Variants in TXNL4A observed in about 807,000 individuals in gnomAD.
TXNL4A encodes thioredoxin-like protein 4A.
TXNL4A carries 17 observed loss-of-function variants against 14.6 expected under a neutral mutation model. The ratio of observed to expected loss-of-function variants is 1.16; its 90% CI spans 0.80 to 1.74. The LOEUF is 1.74. Among genes scored for constraint, TXNL4A ranks in the 40% most tolerant of loss-of-function variants. The probability of loss-of-function intolerance (pLI) is 0.00; values close to 1 mark genes in which losing one functional copy is unlikely to be tolerated. For missense variants in TXNL4A, 74 were observed against 195.2 expected (o/e 0.38, Z 3.70); for synonymous variants, 83 against 70.6 (o/e 1.18, Z -0.88).
At chr18:80,001,278 A>G (rs1261663958) in intron 1 of TXNL4A, among the ~76,000 whole-genome samples, 3 of 152,166 alleles carry the variant, frequency 2.0e-5, no homozygotes, top group Non-Finnish European at 4.4e-5. Flanking sequence ...TAGATTTCAG[A>G]GGATATATGG....
At chr18:80,027,578 G>T (rs888818177) in intron 1 of TXNL4A, among the ~76,000 whole-genome samples, 3 of 152,150 alleles carry the variant, frequency 2.0e-5, no homozygotes, top group Non-Finnish European at 1.5e-5. Context: ...TGCCTCAAGG[G>T]TATACACAAA....
chr18:79,996,473 C>A (rs1216931314), intron 1 of TXNL4A, among the ~76,000 whole-genome samples: 1 of 152,208 alleles, frequency 6.6e-6, no homozygotes, highest in East Asian at 1.9e-4. Flanking sequence ...GATGCCCCGC[C>A]ATGGGCTCTA....
At chr18:79,987,894 T>G (rs1334543301) in intron 1 of TXNL4A, among the ~76,000 whole-genome samples, 1 of 152,244 alleles carries the variant, frequency 6.6e-6, no homozygotes, top group Admixed American at 6.5e-5. Context: ...CCTTTTAAAT[T>G]AAGGATCCGC....
At chr18:79,978,366 C>A (rs1374456166) in intron 1 of TXNL4A, among the ~76,000 whole-genome samples, 1 of 152,128 alleles carries the variant, frequency 6.6e-6, no homozygotes, top group East Asian at 1.9e-4. Flanking sequence ...ATAGTACCTC[C>A]AATAATACTG....
At chr18:80,015,264 G>A (rs902513608) in intron 1 of TXNL4A, among the ~76,000 whole-genome samples, 4 of 151,804 alleles carry the variant, frequency 2.6e-5, no homozygotes, top group Non-Finnish European at 5.9e-5. Flanking sequence ...AAAAAAAAAT[G>A]GACTTTTCTT....
intron 1 of TXNL4A, among the ~76,000 whole-genome samples, chr18:80,020,634 C>T (rs145141726): frequency 7.2e-4 from 109 of 152,258 alleles, no homozygotes; most frequent in African/African-American, 2.4e-3. Context: ...GAAGACTGAG[C>T]GTAGGTGCTT....
At chr18:80,028,534 G>C (rs2051899986) in intron 1 of TXNL4A, among the ~76,000 whole-genome samples, 2 of 152,178 alleles carry the variant, frequency 1.3e-5, no homozygotes, top group Admixed American at 6.5e-5. Context: ...AGACCTACAA[G>C]AGATGCCACT....
In TXNL4A at chr18:80,033,886, C is replaced by G. The variant is rs2051946458; in HGVS notation, c.-96G>C. On this transcript the variant is annotated 5_prime_UTR_variant, in exon 1 of 3. Transcript: ENST00000585474. Reference sequence around the variant, plus strand: ...CTTCACCCCGCTTACACGCCGCTCGCTTCGCTCTGGTAGTCGCCCACCTCG... The same window carrying G: ...CTTCACCCCGCTTACACGCCGCTCGGTTCGCTCTGGTAGTCGCCCACCTCG... The G allele has an allele frequency of 2.7e-5, 4 of 150,334 alleles. 1 individual carries two copies. The highest frequency in any genetic ancestry group is 2.7e-4 in the Admixed American group (4 of 15,070). 9.3% of individuals were successfully genotyped at this position (150,334 alleles called of 1,614,324 possible). A position where few individuals can be genotyped will look rare whatever the true frequency, so the allele number is the denominator to read the frequency against.
chr18:80,016,765 G>T (rs1420163518), intron 1 of TXNL4A, among the ~76,000 whole-genome samples: 2 of 150,264 alleles, frequency 1.3e-5, no homozygotes, highest in African/African-American at 4.9e-5. Context: ...GGTTACTGTA[G>T]CCTTGTAGTA....
At chr18:80,028,652 C>T (rs968501486) in intron 1 of TXNL4A, among the ~76,000 whole-genome samples, 4 of 152,100 alleles carry the variant, frequency 2.6e-5, no homozygotes, top group East Asian at 1.9e-4. Flanking sequence ...TAATTAAAGC[C>T]GGTCCTCTTC....
upstream of TXNL4A, among the ~76,000 whole-genome samples, chr18:79,988,828 C>CCCG (rs1182712052): frequency 6.6e-6 from 1 of 152,186 alleles, no homozygotes; most frequent in Non-Finnish European, 1.5e-5. Context: ...CCCGAGGCCG[C>CCCG]CCGCCGCCGC....
chr18:79,981,952 C>T (rs869238837), intron 1 of TXNL4A, among the ~76,000 whole-genome samples: 4 of 151,952 alleles, frequency 2.6e-5, no homozygotes, highest in African/African-American at 7.2e-5. Flanking sequence ...TAGATGTCGC[C>T]GATGTTTTAG....
chr18:80,022,091 A>AT (rs1304784143), intron 1 of TXNL4A, among the ~76,000 whole-genome samples: 7 of 151,982 alleles, frequency 4.6e-5, no homozygotes, highest in African/African-American at 1.7e-4. Flanking sequence ...CTATATATTT[A>AT]TTAGGGTTAT....
At chr18:80,031,662 C>G (rs565555216) in intron 1 of TXNL4A, among the ~76,000 whole-genome samples, 1 of 152,190 alleles carries the variant, frequency 6.6e-6, no homozygotes, top group Non-Finnish European at 1.5e-5. Flanking sequence ...CTTTGCCAAA[C>G]GACGGGGTCA....
intron 1 of TXNL4A, chr18:79,986,721 C>G: frequency 2.0e-6 from 2 of 985,488 alleles, no homozygotes; most frequent in Non-Finnish European, 2.4e-6. Context: ...GCAGCAGGAT[C>G]TGAACACCAC....
At chr18:79,997,612 A>C (rs868639342) in intron 1 of TXNL4A, among the ~76,000 whole-genome samples, 2 of 152,174 alleles carry the variant, frequency 1.3e-5, no homozygotes, top group South Asian at 2.1e-4. Flanking sequence ...ACTTGGAAAG[A>C]AGGGCAATAT....
At chr18:79,984,046 C>T (rs577555488) in intron 1 of TXNL4A, among the ~76,000 whole-genome samples, 32 of 152,214 alleles carry the variant, frequency 2.1e-4, no homozygotes, top group South Asian at 2.1e-3. Flanking sequence ...CCCTCAACCA[C>T]GGCTCAACAT....
chr18:79,987,666 T>C (rs1317398694), intron 1 of TXNL4A, among the ~76,000 whole-genome samples: 1 of 152,222 alleles, frequency 6.6e-6, no homozygotes. Flanking sequence ...AGTGTACTAA[T>C]ATTAGAAATT....
intron 1 of TXNL4A, among the ~76,000 whole-genome samples, chr18:79,999,431 G>T (rs2051684328): frequency 6.6e-6 from 1 of 151,208 alleles, no homozygotes. Context: ...AGCTACTTGG[G>T]AGGTTGAAGC....
Sources: gnomAD v4.1 joint callset for allele counts (sites outside exome capture counted in the v4.1 genomes callset) on GRCh38, gnomAD v4.1.1 for gene constraint, MANE v1.5 for transcripts, NCBI Gene and HGNC (gene_info 2026-07-23, HGNC 2026-07-21) for gene names.